The following GRM8 variants were observed in gnomAD, a reference collection of about 807,000 sequenced individuals.
The protein encoded by GRM8 is glutamate metabotropic receptor 8.
In GRM8, 47 loss-of-function variants were observed where a neutral mutation model predicts 87.2. The observed-to-expected ratio is 0.54, with a 90% CI of 0.43 to 0.69. The LOEUF (loss-of-function observed/expected upper bound fraction) is 0.69. Ranked by LOEUF, GRM8 falls within the 30% of genes least tolerant of loss-of-function variation. GRM8 has a pLI of 0.00. For missense variants in GRM8, 1,019 were observed against 1,139.2 expected, an observed-to-expected ratio of 0.89 and a Z score of 1.52; for synonymous variants, 396 against 404.5, an observed-to-expected ratio of 0.98 and a Z score of 0.25.
At chr7:126,879,050 C>A (rs1360626682) in intron 6 of GRM8, among the ~76,000 whole-genome samples, 1 of 151,598 alleles carries the variant, frequency 6.6e-6, no homozygotes, top group Admixed American at 6.6e-5. Flanking sequence ...GTAATCTCAG[C>A]TACTCGGGAG....
intron 6 of GRM8, among the ~76,000 whole-genome samples, chr7:126,782,926 C>A (rs987121673): frequency 2.0e-5 from 3 of 152,204 alleles, no homozygotes; most frequent in Non-Finnish European, 4.4e-5. Flanking sequence ...AGGTCGCAAT[C>A]TGTCTGGGAG....
chr7:126,957,767 G>A (rs1586593421), intron 3 of GRM8, among the ~76,000 whole-genome samples: 2 of 152,290 alleles, frequency 1.3e-5, no homozygotes, highest in East Asian at 3.9e-4. Context: ...GAATAGCCTG[G>A]GTACCACGAA....
rs540045688 is a variant in GRM8, at chr7:126,602,720, T to A, written c.1494+6642A>T. ...ATTGTGAATGGGAGTTCACTCATGA[T>A]TTGGCTCTCTGTTTGTCTGTTGATA... is the stretch of plus-strand genomic sequence containing the variant. On this transcript the variant is annotated intron_variant, in intron 8 of 10. Transcript: ENST00000339582. 1.9e-3 allele frequency among the ~76,000 whole-genome samples: 284 copies of A among 151,954 alleles called. 1 individual carries two copies. Among genetic ancestry groups the A allele is most frequent in the African/African-American group, 6.1e-3 (253 of 41,468 alleles).
chr7:126,465,733 G>T (rs944008623), intron 9 of GRM8, among the ~76,000 whole-genome samples: 1 of 151,546 alleles, frequency 6.6e-6, no homozygotes, highest in African/African-American at 2.4e-5. Flanking sequence ...TCTTTACACA[G>T]AATTTATGTC....
intron 7 of GRM8, among the ~76,000 whole-genome samples, chr7:126,645,152 T>C (rs1802896325): frequency 6.6e-6 from 1 of 152,196 alleles, no homozygotes; most frequent in African/African-American, 2.4e-5. Flanking sequence ...GTTAGACTAA[T>C]AAAAGGCCAC....
At position 126,807,037 on chromosome 7, in the gene GRM8, A is replaced by G. The variant is rs561434777; in HGVS notation, c.1157-36972T>C. Among the ~76,000 whole-genome samples the G allele has an allele frequency of 1.1e-4, 16 of 152,314 alleles. No homozygotes were observed. In the South Asian group the frequency reaches 3.3e-3, roughly 32 times the overall value. On this transcript the variant is annotated intron_variant, in intron 6 of 10. Transcript: ENST00000339582. ...GAACCGAGAGTGAGCGAGGGCTGCT[A>G]GCATGTTGTCACCTCTCACTACCAG...
At chr7:127,125,519 G>A (rs985364021) in intron 2 of GRM8, among the ~76,000 whole-genome samples, 5 of 151,802 alleles carry the variant, frequency 3.3e-5, no homozygotes, top group African/African-American at 1.2e-4. Flanking sequence ...AATACTAGAA[G>A]AAAATCTAGG....
chr7:126,530,909 A>T (rs1342384925), intron 9 of GRM8, among the ~76,000 whole-genome samples: 4 of 152,308 alleles, frequency 2.6e-5, no homozygotes, highest in Non-Finnish European at 4.4e-5. Context: ...CTGGGCTCAA[A>T]CAATCCCTGC....
chr7:126,871,317 T>C (rs1799076469), intron 6 of GRM8, among the ~76,000 whole-genome samples: 1 of 152,224 alleles, frequency 6.6e-6, no homozygotes. Flanking sequence ...TTATTCCTAA[T>C]AAGTGTACAA....
intron 6 of GRM8, among the ~76,000 whole-genome samples, chr7:126,820,461 CTATCCATTCTACCTTTTCT>C (rs1331976979): frequency 3.9e-5 from 6 of 152,204 alleles, no homozygotes; most frequent in African/African-American, 1.4e-4. Flanking sequence ...AGATTTGAGT[CTATCCATTCTACCTTTTCT>C]TAACAACATC....
At chr7:127,001,227 A>G (rs2132032611) in intron 3 of GRM8, among the ~76,000 whole-genome samples, 1 of 151,814 alleles carries the variant, frequency 6.6e-6, no homozygotes, top group South Asian at 2.1e-4. Context: ...ATAAACTCTG[A>G]CCTTTCCTCA....
chr7:126,730,970 G>A (rs988249277), intron 7 of GRM8, among the ~76,000 whole-genome samples: 25 of 151,986 alleles, frequency 1.6e-4, no homozygotes, highest in Admixed American at 1.3e-4. Context: ...AAACATTACA[G>A]CATTTTATTA....
At chr7:126,497,365 A>C (rs1214299804) in intron 9 of GRM8, among the ~76,000 whole-genome samples, 1 of 151,986 alleles carries the variant, frequency 6.6e-6, no homozygotes, top group Non-Finnish European at 1.5e-5. Context: ...GCCATCCTTC[A>C]AACCTGGGTA....
At chr7:126,663,166 C>A (rs1160081230) in intron 7 of GRM8, among the ~76,000 whole-genome samples, 1 of 152,118 alleles carries the variant, frequency 6.6e-6, no homozygotes, top group Non-Finnish European at 1.5e-5. Context: ...TACCAACAAA[C>A]AAAAGCCCTA....
At chr7:127,029,371 C>T (rs921714572) in intron 3 of GRM8, among the ~76,000 whole-genome samples, 1 of 152,156 alleles carries the variant, frequency 6.6e-6, no homozygotes, top group African/African-American at 2.4e-5. Context: ...GAGCTGAGTT[C>T]AAGTCCTGGA....
rs377546708 is a variant in GRM8, at chr7:126,655,130, G to A, written c.1358-45632C>T. The stretch of plus-strand genomic sequence containing the variant: ...AGGAAGAAAATGTGATTGATTCTGC[G>A]TAAAGGTGCTTTTCATAACTTTTAT... On this transcript the variant is annotated intron_variant, in intron 7 of 10. Coordinates refer to ENST00000339582, the MANE Select transcript of GRM8 (RefSeq NM_000845.3). 5.3e-5 allele frequency among the ~76,000 whole-genome samples: 8 copies of A among 152,168 alleles called. No individual in the cohort carries two copies. In the South Asian group the frequency reaches 6.2e-4, roughly 12 times the overall value.
intron 3 of GRM8, among the ~76,000 whole-genome samples, chr7:126,906,936 G>A (rs749666756): frequency 6.6e-6 from 1 of 152,090 alleles, no homozygotes; most frequent in African/African-American, 2.4e-5. Context: ...TGAGTGCCCC[G>A]TATCTGCTAG....
intron 8 of GRM8, among the ~76,000 whole-genome samples, chr7:126,602,986 A>G (rs890621980): frequency 1.7e-4 from 25 of 145,292 alleles, no homozygotes; most frequent in African/African-American, 5.5e-4. Context: ...AAAATCCTCA[A>G]TAAAATACTG....
At chr7:127,097,578 T>C (rs546171114) in intron 3 of GRM8, among the ~76,000 whole-genome samples, 49 of 152,342 alleles carry the variant, frequency 3.2e-4, no homozygotes, top group Middle Eastern at 3.4e-3. Flanking sequence ...TATACAGCTT[T>C]GTTATGCCTT....
Sources: gnomAD v4.1 joint callset for allele counts (sites outside exome capture counted in the v4.1 genomes callset) on GRCh38, gnomAD v4.1.1 for gene constraint, MANE v1.5 for transcripts, NCBI Gene and HGNC (gene_info 2026-07-23, HGNC 2026-07-21) for gene names.